TMEM74: variants seen among roughly 807,000 people sequenced by gnomAD.
TMEM74 encodes transmembrane protein 74.
TMEM74 carries 13 observed loss-of-function variants against 18.1 expected under a neutral mutation model. That is an observed-to-expected ratio of 0.72 (90% CI 0.47 to 1.14). The LOEUF (loss-of-function observed/expected upper bound fraction) is 1.14, where lower values mean the gene tolerates loss of function less well. Among genes scored for constraint, TMEM74 ranks in the 50% most tolerant of loss-of-function variants. The pLI, the probability that TMEM74 is intolerant of heterozygous loss-of-function variation, is 0.00. For missense variants in TMEM74, 372 were observed against 375.9 expected, an observed-to-expected ratio of 0.99 and a Z score of 0.09; for synonymous variants, 159 against 146.6, an observed-to-expected ratio of 1.08 and a Z score of -0.61.
At chr8:108,685,369 A>G (rs1006988281) in intron 1 of TMEM74, among the ~76,000 whole-genome samples, 1 of 152,120 alleles carries the variant, frequency 6.6e-6, no homozygotes, top group East Asian at 1.9e-4. Flanking sequence ...TATATGTAAG[A>G]TCAGTCATCT....
intron 1 of TMEM74, among the ~76,000 whole-genome samples, chr8:108,683,383 A>G (rs1345852640): frequency 6.6e-6 from 1 of 151,848 alleles, no homozygotes; most frequent in Non-Finnish European, 1.5e-5. Flanking sequence ...AATAAGTTAA[A>G]TATTTACAAG....
intron 2 of TMEM74, among the ~76,000 whole-genome samples, chr8:108,646,306 G>A (rs1406903167): frequency 1.3e-5 from 2 of 152,054 alleles, no homozygotes; most frequent in Admixed American, 1.3e-4. Context: ...TTAGATTCAA[G>A]TATGTTATAC....
At chr8:108,641,820 C>T (rs1230991912) in intron 2 of TMEM74, among the ~76,000 whole-genome samples, 4 of 152,076 alleles carry the variant, frequency 2.6e-5, no homozygotes, top group African/African-American at 9.7e-5. Flanking sequence ...TGGAAAAGAG[C>T]TCATCATTAA....
At chr8:108,624,362 T>C (rs1238529352) in intron 2 of TMEM74, among the ~76,000 whole-genome samples, 1 of 152,104 alleles carries the variant, frequency 6.6e-6, no homozygotes, top group Non-Finnish European at 1.5e-5. Flanking sequence ...TTCCAGAAGC[T>C]TCTAAAGGTT....
intron 2 of TMEM74, among the ~76,000 whole-genome samples, chr8:108,614,344 C>A (rs1160693110): frequency 6.6e-6 from 1 of 151,956 alleles, no homozygotes; most frequent in Non-Finnish European, 1.5e-5. Flanking sequence ...TTCCAATACC[C>A]CTGAGTGCAT....
At chr8:108,766,174 A>G (rs1243297706) in intron 1 of TMEM74, among the ~76,000 whole-genome samples, 1 of 151,908 alleles carries the variant, frequency 6.6e-6, no homozygotes, top group African/African-American at 2.4e-5. Flanking sequence ...TTATTATTAT[A>G]TTATTAATTT....
intron 1 of TMEM74, among the ~76,000 whole-genome samples, chr8:108,692,679 GC>G (rs1176493762): frequency 6.6e-6 from 1 of 151,950 alleles, no homozygotes; most frequent in Non-Finnish European, 1.5e-5. Flanking sequence ...CTTATAATTT[GC>G]CCCAGCCTGC....
At chr8:108,665,013 G>C (rs1235184692) in intron 1 of TMEM74, among the ~76,000 whole-genome samples, 2 of 147,988 alleles carry the variant, frequency 1.4e-5, no homozygotes, top group Non-Finnish European at 3.0e-5. Context: ...CCAACTTAAA[G>C]CTTTTTTTTT....
At chr8:108,705,691 C>T (rs369888197) in intron 1 of TMEM74, among the ~76,000 whole-genome samples, 15 of 151,938 alleles carry the variant, frequency 9.9e-5, no homozygotes, top group South Asian at 2.1e-4. Context: ...TTTTATGTAC[C>T]TTACAAGGTG....
At chr8:108,724,371 A>G (rs941390670) in intron 1 of TMEM74, among the ~76,000 whole-genome samples, 3 of 152,194 alleles carry the variant, frequency 2.0e-5, no homozygotes, top group African/African-American at 7.2e-5. Flanking sequence ...AACCTCCCAG[A>G]GTGCAGAACA....
chr8:108,611,632 G>GT (rs1394339437), intron 2 of TMEM74, among the ~76,000 whole-genome samples: 1 of 152,112 alleles, frequency 6.6e-6, no homozygotes, highest in Non-Finnish European at 1.5e-5. Flanking sequence ...TTTTATATGT[G>GT]TTGTTGCCGA....
intron 1 of TMEM74, among the ~76,000 whole-genome samples, chr8:108,681,309 C>T (rs574109843): frequency 6.6e-6 from 1 of 152,146 alleles, no homozygotes; most frequent in African/African-American, 2.4e-5. Flanking sequence ...GTACTGGTAC[C>T]AAAACAGAGA....
intron 2 of TMEM74, among the ~76,000 whole-genome samples, chr8:108,627,289 C>A (rs1812503193): frequency 6.6e-6 from 1 of 151,962 alleles, no homozygotes; most frequent in African/African-American, 2.4e-5. Flanking sequence ...CATATGGTAT[C>A]CAGCTCCTGT....
intron 1 of TMEM74, among the ~76,000 whole-genome samples, chr8:108,731,258 A>C (rs1813692672): frequency 6.6e-6 from 1 of 151,438 alleles, no homozygotes; most frequent in African/African-American, 2.4e-5. Flanking sequence ...GACACAGTGA[A>C]GGGCCATTAA....
chr8:108,678,983 T>C (rs1160728056), intron 1 of TMEM74, among the ~76,000 whole-genome samples: 1 of 146,206 alleles, frequency 6.8e-6, no homozygotes, highest in Non-Finnish European at 1.5e-5. Flanking sequence ...CACCTATGAG[T>C]GAGAACATGT....
intron 1 of TMEM74, among the ~76,000 whole-genome samples, chr8:108,762,441 T>C (rs62509394): frequency 0.019 from 2,950 of 152,216 alleles, 45 homozygotes; most frequent in Non-Finnish European, 0.028. Context: ...TTTTGTGTAA[T>C]TTCTTAATGT....
At chr8:108,681,967 C>T (rs768831761) in intron 1 of TMEM74, among the ~76,000 whole-genome samples, 26 of 152,144 alleles carry the variant, frequency 1.7e-4, no homozygotes, top group Non-Finnish European at 2.9e-4. Context: ...TATGTCAATA[C>T]TTTTTAACTA....
chr8:108,765,141 A>T (rs924201541), intron 1 of TMEM74, among the ~76,000 whole-genome samples: 2 of 152,178 alleles, frequency 1.3e-5, no homozygotes, highest in Non-Finnish European at 2.9e-5. Context: ...GCATAGGTGC[A>T]CATTTGCTGT....
chr8:108,655,760 T>C (rs187476904), intron 1 of TMEM74, among the ~76,000 whole-genome samples: 7 of 152,210 alleles, frequency 4.6e-5, no homozygotes, highest in Admixed American at 4.6e-4. Flanking sequence ...ATTATAAGTA[T>C]CAGAAATATA....
Sources: gnomAD v4.1 joint callset for allele counts (sites outside exome capture counted in the v4.1 genomes callset) on GRCh38, gnomAD v4.1.1 for gene constraint, MANE v1.5 for transcripts, NCBI Gene and HGNC (gene_info 2026-07-23, HGNC 2026-07-21) for gene names.